The following ITPRID2 variants were observed in gnomAD, a reference collection of about 807,000 sequenced individuals.
ITPRID2 encodes the protein ITPR interacting domain containing 2.
A neutral mutation model predicts 124.3 loss-of-function variants in ITPRID2; 60 were observed. The ratio of observed to expected loss-of-function variants is 0.48; its 90% CI spans 0.39 to 0.60. The LOEUF is 0.60. Ranked by LOEUF, ITPRID2 falls within the 20% of genes least tolerant of loss-of-function variation. ITPRID2 has a pLI of 0.00. For synonymous variants in ITPRID2, 521 were observed against 542.9 expected, an observed-to-expected ratio of 0.96 and a Z score of 0.56; for missense variants, 1,553 against 1,512.2, an observed-to-expected ratio of 1.03 and a Z score of -0.45.
At position 181,928,246 on chromosome 2, in the gene ITPRID2, C is replaced by T; in HGVS notation, c.3761C>T (p.Ser1254Phe). 1.3e-6 allele frequency: 2 copies of T among 1,544,626 alleles called. No individual in the cohort carries two copies. Among genetic ancestry groups the T allele is most frequent in the Non-Finnish European group, 1.7e-6 (2 of 1,144,604 alleles). ...GTATCTTCAAGTAAAGCGTCTAATT[C>T]TAAGCAAGATTATCATTAAACAGAA... The part of the protein sequence containing the change: ...AAVSSSKASN[S>F]KQDYH Residue 1254 changes from serine (S) to phenylalanine (F), a missense_variant, in exon 17 of 18, where the codon TCT becomes TTT. Transcript: ENST00000431877.
chr2:181,917,620 T>G (rs1694172698), intron 11 of ITPRID2: 1 of 152,368 alleles, frequency 6.6e-6, no homozygotes, highest in Non-Finnish European at 1.5e-5. Flanking sequence ...CTAATACATC[T>G]CCCCATGCCT....
At position 181,909,977 on chromosome 2, in the gene ITPRID2, T is replaced by C. The variant is rs1371957860; in HGVS notation, c.1486+6T>C. On this transcript the variant is annotated splice_donor_region_variant and intron_variant, in intron 9 of 17. Coordinates refer to ENST00000431877, the MANE Select transcript of ITPRID2 (RefSeq NM_001130445.3). ...TCTTACGAAGTCGAAAAGAGGTAAG[T>C]GGACCAGTATCCACTAGTTCTGAGC... 6.2e-7 allele frequency: 1 copy of C among 1,608,348 alleles called. No individual in the cohort carries two copies. Among genetic ancestry groups the C allele is most frequent in the African/African-American group, 1.3e-5 (1 of 74,756 alleles).
rs1290731843 is a variant in ITPRID2, at chr2:181,892,799, TTCC to T, written c.257+145_257+147del. The T allele has an allele frequency of 5.4e-6, 5 of 922,338 alleles. No homozygotes were observed. Among genetic ancestry groups the T allele is most frequent in the Non-Finnish European group, 8.5e-6 (5 of 589,714 alleles). 57.1% of individuals were successfully genotyped at this position (922,338 alleles called of 1,614,324 possible). A position where few individuals can be genotyped will look rare whatever the true frequency, so the allele number is the denominator to read the frequency against. ...ACCGGAAAGTGAGCCGGCGGATAGC[TTCC>T]TCCTCTAAGCGATTAGAAATGGAAG... On this transcript the variant is annotated intron_variant, in intron 2 of 17. Coordinates refer to ENST00000431877, the MANE Select transcript of ITPRID2 (RefSeq NM_001130445.3). This position sits in a 1 kb window ranked among gnomAD's most constrained non-coding sequence, Gnocchi z 5.2.
rs767714439 is a variant in ITPRID2, at chr2:181,928,173, AT to A, written c.3690del (p.Ile1230MetfsTer10). ...TTTTCCAATCTAGATTAAAGAGTCT[AT>A]TGTTGGGGAAATCAGACGGGAAATT... ...QQVIREIKES[I>X]VGEIRREIVS... On this transcript the variant is annotated frameshift_variant, in exon 17 of 18. Transcript: ENST00000431877. LOFTEE classifies it high-confidence loss of function. The A allele has an allele frequency of 9.0e-6, 14 of 1,548,136 alleles. No individual in the cohort carries two copies. Among genetic ancestry groups the A allele is most frequent in the Non-Finnish European group, 8.7e-7 (1 of 1,144,528 alleles).
intron 10 of ITPRID2, among the ~76,000 whole-genome samples, chr2:181,914,853 A>G (rs1693901805): frequency 5.3e-5 from 8 of 152,164 alleles, no homozygotes; most frequent in African/African-American, 1.2e-4. Flanking sequence ...TCCTTTCAGA[A>G]TGGAGAGAAG....
intron 10 of ITPRID2, among the ~76,000 whole-genome samples, chr2:181,914,490 C>G (rs549600344): frequency 3.3e-5 from 5 of 152,034 alleles, no homozygotes; most frequent in Non-Finnish European, 5.9e-5. Context: ...TCCCAAAGAG[C>G]CTTTAGGAAC....
chr2:181,922,100 T>C lies in ITPRID2; in HGVS notation c.3363T>C (p.Ser1121=). The C allele has an allele frequency of 6.2e-7, 1 of 1,614,216 alleles. No individual in the cohort carries two copies. Among genetic ancestry groups the C allele is most frequent in the South Asian group, 1.1e-5 (1 of 91,084 alleles). Residue 1121 remains serine, a synonymous_variant, in exon 16 of 18, where the codon TCT becomes TCC. Transcript: ENST00000431877. ...CATCTTCTGTATGTTCTGGTCCCTC[T>C]CATGCTAACAGAAGAACTGGAGTAC... The part of the protein sequence containing the change: ...SESSSVCSGP[S]HANRRTGVPS...
chr2:181,906,928 C>T (rs1201840893), intron 8 of ITPRID2, among the ~76,000 whole-genome samples: 1 of 152,098 alleles, frequency 6.6e-6, no homozygotes, highest in Non-Finnish European at 1.5e-5. Flanking sequence ...ATGCACAGCA[C>T]CATGCTACTA....
intron 16 of ITPRID2, among the ~76,000 whole-genome samples, chr2:181,924,832 A>C (rs1439810536): frequency 6.6e-6 from 1 of 152,242 alleles, no homozygotes; most frequent in Non-Finnish European, 1.5e-5. Context: ...CTGCATGTGC[A>C]TTGTACTAGG....
Position 181,916,302 on chromosome 2 carries a change from C to T in ITPRID2, c.2662C>T (p.Pro888Ser). Residue 888 changes from proline (P) to serine (S), a missense_variant, in exon 11 of 18, where the codon CCT (proline) becomes TCT (serine). Coordinates refer to ENST00000431877, the MANE Select transcript of ITPRID2 (RefSeq NM_001130445.3). ...CSAFASPFGC[P>S]YSHRHATYPY... ...TGCCTTCGCTTCCCCTTTCGGGTGT[C>T]CTTACTCACATAGACATGCCACCTA... The T allele has an allele frequency of 6.2e-7, 1 of 1,614,198 alleles. No homozygotes were observed. The highest frequency in any genetic ancestry group is 8.5e-7 in the Non-Finnish European group (1 of 1,180,040).
Position 181,915,537 on chromosome 2 carries a change from A to G in ITPRID2, c.1897A>G (p.Thr633Ala), listed in dbSNP as rs141228647. 15 of 1,614,102 alleles carry G rather than the reference A, an allele frequency of 9.3e-6. No individual in the cohort carries two copies. Among genetic ancestry groups the G allele is most frequent in the Non-Finnish European group, 1.1e-5 (13 of 1,180,046 alleles). The change falls in exon 11 of 18, where the codon ACA (threonine) becomes GCA (alanine). Residue 633 changes from threonine to alanine, a missense_variant. Transcript: ENST00000431877. Reference protein sequence around the residue: ...EVEEDLFPAETVELLREASAE... With the variant: ...EVEEDLFPAEAVELLREASAE... ...GGAAGAGGATTTGTTTCCAGCAGAG[A>G]CAGTAGAGCTACTGAGGGAAGCAAG...
chr2:181,915,473 C>G lies in ITPRID2; in HGVS notation c.1833C>G (p.Thr611=), dbSNP rs763336873. Residue 611 remains threonine (T), a synonymous_variant, in exon 11 of 18, where the codon ACC becomes ACG. Transcript: ENST00000431877. ...AGAATACAGGAACTAAACAGTCCAC[C>G]TGTAGTCCAGGGGATCATATCATTG... The part of the protein sequence containing the change: ...TIENTGTKQS[T]CSPGDHIIEI... 1.2e-5 allele frequency: 20 copies of G among 1,614,048 alleles called. No individual in the cohort carries two copies. In the South Asian group the frequency reaches 2.1e-4, roughly 17 times the overall value.
In ITPRID2 at chr2:181,896,335, T is replaced by C. The variant is rs1366263073; in HGVS notation, c.307+256T>C. The stretch of plus-strand genomic sequence containing the variant: ...TTAGGTATTATAAAGACTAATTAAA[T>C]ATGAATATATAATATGCAAATATAA... On this transcript the variant is annotated intron_variant, in intron 3 of 17. Coordinates refer to ENST00000431877, the MANE Select transcript of ITPRID2 (RefSeq NM_001130445.3). The surrounding 1 kb of genome is among the most constrained non-coding windows in gnomAD (Gnocchi z 4.3). Among the ~76,000 whole-genome samples the C allele has an allele frequency of 1.3e-5, 2 of 151,996 alleles. No individual in the cohort carries two copies. The highest frequency in any genetic ancestry group is 2.9e-5 in the Non-Finnish European group (2 of 67,862).
At chr2:181,913,357 G>A (rs1303243156) in intron 9 of ITPRID2, among the ~76,000 whole-genome samples, 1 of 152,094 alleles carries the variant, frequency 6.6e-6, no homozygotes, top group Non-Finnish European at 1.5e-5. Flanking sequence ...ATGAGCCACC[G>A]CGCCCAGCCC....
At position 181,910,025 on chromosome 2, in the gene ITPRID2, T is replaced by G; in HGVS notation, c.1486+54T>G. On this transcript the variant is annotated intron_variant, in intron 9 of 17. Transcript: ENST00000431877. This position sits in a 1 kb window ranked among gnomAD's most constrained non-coding sequence, Gnocchi z 4.1. Reference sequence around the variant, plus strand: ...AGCACATTATCAAATATTAGTTGATTTGGAAAAGGGGTTTTATGTATCAGT... The same window carrying G: ...AGCACATTATCAAATATTAGTTGATGTGGAAAAGGGGTTTTATGTATCAGT... 7.2e-7 allele frequency: 1 copy of G among 1,382,910 alleles called. No homozygotes were observed. Among genetic ancestry groups the G allele is most frequent in the Non-Finnish European group, 1.0e-6 (1 of 977,162 alleles). 85.7% of individuals were successfully genotyped at this position (1,382,910 alleles called of 1,614,324 possible).
At position 181,929,728 on chromosome 2, in the gene ITPRID2, CTT is replaced by C. The variant is rs1695148498; in HGVS notation, c.*182_*183del. On this transcript the variant is annotated 3_prime_UTR_variant, in exon 18 of 18. Transcript: ENST00000431877. The stretch of plus-strand genomic sequence containing the variant: ...TATTTTAAAAAGACGTACATAGAAA[CTT>C]AGGCACTTTGCTATTTCTTTTCTAA... 3 of 1,014,806 alleles carry C rather than the reference CTT, an allele frequency of 3.0e-6. No individual in the cohort carries two copies. Among genetic ancestry groups the C allele is most frequent in the South Asian group, 2.2e-5 (1 of 46,154 alleles). 62.9% of individuals were successfully genotyped at this position (1,014,806 alleles called of 1,614,324 possible).
Position 181,929,898 on chromosome 2 carries a change from T to G in ITPRID2, c.*351T>G, listed in dbSNP as rs940162135. The G allele has an allele frequency of 1.4e-5, 4 of 279,558 alleles. No individual in the cohort carries two copies. The highest frequency in any genetic ancestry group is 8.8e-5 in the African/African-American group (4 of 45,666). The allele number at this position is 279,558 out of a possible 1,614,324, so 17.3% of individuals were successfully genotyped here. A position where few individuals can be genotyped will look rare whatever the true frequency, so the allele number is the denominator to read the frequency against. ...TTATAAATAACATATTTCTTCAGACTAACATCTTAAAACACTGACCTCTAT... is the reference window on the plus strand; with the variant it reads ...TTATAAATAACATATTTCTTCAGACGAACATCTTAAAACACTGACCTCTAT... On this transcript the variant is annotated 3_prime_UTR_variant, in exon 18 of 18. Coordinates refer to ENST00000431877, the MANE Select transcript of ITPRID2 (RefSeq NM_001130445.3).
Position 181,922,001 on chromosome 2 carries a change from A to G in ITPRID2, c.3264A>G (p.Gly1088=), listed in dbSNP as rs1694512205. ...ACCTGAAGTCTGAATTGGGCCTGGGACTTGGAGAAATGGGATTTGAAATTC... is the reference window on the plus strand; with the variant it reads ...ACCTGAAGTCTGAATTGGGCCTGGGGCTTGGAGAAATGGGATTTGAAATTC... ...QSYLKSELGL[G]LGEMGFEIPP... is the part of the protein sequence containing the mutation. Residue 1088 remains glycine, a synonymous_variant, in exon 16 of 18, where the codon GGA becomes GGG. Transcript: ENST00000431877. 1 of 1,614,076 alleles carries G rather than the reference A, an allele frequency of 6.2e-7. No individual in the cohort carries two copies. Among genetic ancestry groups the G allele is most frequent in the South Asian group, 1.1e-5 (1 of 91,086 alleles).
At position 181,915,227 on chromosome 2, in the gene ITPRID2, C is replaced by A. The variant is rs764612643; in HGVS notation, c.1587C>A (p.Ser529=). The change falls in exon 11 of 18, where the codon TCC becomes TCA. Residue 529 remains serine (S), a synonymous_variant. Coordinates refer to ENST00000431877, the MANE Select transcript of ITPRID2 (RefSeq NM_001130445.3). Reference sequence around the variant, plus strand: ...TTTTCTTTTCACAGGTTCAGGAGTCCTTGCAGGCTATGGGGAGTAGTGCTG... The same window carrying A: ...TTTTCTTTTCACAGGTTCAGGAGTCATTGCAGGCTATGGGGAGTAGTGCTG... The part of the protein sequence containing the change: ...LSLNHLQVQE[S]LQAMGSSADS... The A allele has an allele frequency of 1.1e-5, 17 of 1,613,242 alleles. No homozygotes were observed. In the East Asian group the frequency reaches 3.8e-4, roughly 36 times the overall value.
Sources: allele counts gnomAD v4.1 joint callset (sites outside exome capture counted in the v4.1 genomes callset), GRCh38; gene constraint gnomAD v4.1.1; non-coding constraint Gnocchi (gnomAD v3.1); transcripts MANE v1.5; gene names NCBI Gene and HGNC (gene_info 2026-07-23, HGNC 2026-07-21).